Variants in IL18RAP observed in about 807,000 individuals in gnomAD.
IL18RAP encodes interleukin 18 receptor accessory protein.
IL18RAP carries 37 observed loss-of-function variants against 58.1 expected under a neutral mutation model. The ratio of observed to expected loss-of-function variants is 0.64; its 90% CI spans 0.49 to 0.84. The LOEUF (loss-of-function observed/expected upper bound fraction) is 0.84, where lower values mean the gene tolerates loss of function less well. Ranked by LOEUF, IL18RAP falls within the 40% of genes least tolerant of loss-of-function variation. The probability of loss-of-function intolerance (pLI) is 0.00; values close to 1 mark genes in which losing one functional copy is unlikely to be tolerated. For synonymous variants in IL18RAP, 268 were observed against 257.5 expected (o/e 1.04, Z -0.39); for missense variants, 667 against 704.8 (o/e 0.95, Z 0.61).
At chr2:102,435,870 A>G (rs1573282809) in intron 3 of IL18RAP, among the ~76,000 whole-genome samples, 1 of 137,438 alleles carries the variant, frequency 7.3e-6, no homozygotes, top group Non-Finnish European at 1.6e-5. Flanking sequence ...GCATGCCTCC[A>G]CTCTTTTGAA....
At chr2:102,437,092 C>A in intron 3 of IL18RAP, 120 bp from the exon 4 acceptor site, 1 of 838,524 alleles carries the variant, frequency 1.2e-6, no homozygotes, top group Non-Finnish European at 1.8e-6. Flanking sequence ...TTGTGAGATA[C>A]CCTTATCTCA....
At chr2:102,425,448 C>T (rs563943926) in intron 3 of IL18RAP, among the ~76,000 whole-genome samples, 43 of 152,082 alleles carry the variant, frequency 2.8e-4, no homozygotes, top group Non-Finnish European at 5.4e-4. Flanking sequence ...AATAAATATA[C>T]AGGGTGGACG....
chr2:102,443,528 G>A lies in IL18RAP; in HGVS notation c.920+205G>A, dbSNP rs537070700. ...CCTCAATTTGTAGGAACAGTTTGAC[G>A]TGGCTGCTCTCAAAGTCAAGCTATT... On this transcript the variant is annotated intron_variant, in intron 6 of 9. Transcript: ENST00000687160. Among the ~76,000 whole-genome samples, 17 of 152,300 alleles carry A rather than the reference G, an allele frequency of 1.1e-4. 1 individual carries two copies. The South Asian group carries it at 2.3e-3, about 20-fold the overall frequency.
chr2:102,431,031 T>G (rs1682313462), intron 3 of IL18RAP, among the ~76,000 whole-genome samples: 1 of 152,220 alleles, frequency 6.6e-6, no homozygotes, highest in Non-Finnish European at 1.5e-5. Flanking sequence ...ATTGAATTTT[T>G]TACTTTCATA....
chr2:102,435,900 T>C (rs924560911), intron 3 of IL18RAP, among the ~76,000 whole-genome samples: 12 of 151,806 alleles, frequency 7.9e-5, no homozygotes, highest in African/African-American at 2.4e-4. Context: ...ACATTATTCA[T>C]TCAGATTCAC....
rs761064959 is a variant in IL18RAP, at chr2:102,437,222, T to C, written c.590T>C (p.Leu197Pro). 1.2e-6 allele frequency: 2 copies of C among 1,609,458 alleles called. No homozygotes were observed. The highest frequency in any genetic ancestry group is 1.3e-5 in the African/African-American group (1 of 74,752). ...PAVTWYKNGK[L>P]LSVERSNRIV... Reference sequence around the variant, plus strand: ...TATCTTTTGGATTAGAATGGAAAACTCCTCTCTGTGGAAAGGAGCAACCGA... The same window carrying C: ...TATCTTTTGGATTAGAATGGAAAACCCCTCTCTGTGGAAAGGAGCAACCGA... The change falls in exon 4 of 10, where the codon CTC becomes CCC. Residue 197 changes from leucine (L) to proline (P), a missense_variant. By Grantham distance (98) the Leu-to-Pro change is moderately conservative. Transcript: ENST00000687160.
At chr2:102,447,028 C>G (rs1403186565) in intron 7 of IL18RAP, 42 bp from the exon 8 acceptor site, 1 of 1,601,466 alleles carries the variant, frequency 6.2e-7, no homozygotes, top group Admixed American at 1.7e-5. Context: ...TGGTCCAATC[C>G]CGCTGCCTCT....
At chr2:102,419,957 T>C (rs1681466927), upstream of IL18RAP, among the ~76,000 whole-genome samples, 1 of 152,246 alleles carries the variant, frequency 6.6e-6, no homozygotes, top group East Asian at 1.9e-4. Context: ...AAGCTTGCTT[T>C]GGCTTAAGTT....
Position 102,452,009 on chromosome 2 carries a change from A to C in IL18RAP, c.1628A>C (p.Lys543Thr). The C allele has an allele frequency of 6.2e-7, 1 of 1,614,158 alleles. No individual in the cohort carries two copies. Among genetic ancestry groups the C allele is most frequent in the South Asian group, 1.1e-5 (1 of 91,086 alleles). ...VLPTVTWRGL[K>T]SVPPNSRFWA... ...CCCACAGTTACTTGGAGAGGCTTAA[A>C]ATCAGTTCCTCCCAATTCTAGGTTC... Residue 543 changes from lysine to threonine, a missense_variant, in exon 10 of 10, where the codon AAA becomes ACA. Transcript: ENST00000687160.
chr2:102,423,067 T>C, upstream of IL18RAP: 2 of 593,434 alleles, frequency 3.4e-6, no homozygotes, highest in South Asian at 2.1e-5. Flanking sequence ...ACGTAAGTTA[T>C]AGGCAAGTGA....
intron 9 of IL18RAP, 94 bp downstream of exon 9, chr2:102,451,115 G>A (rs1683737970): frequency 6.0e-6 from 6 of 997,790 alleles, no homozygotes; most frequent in African/African-American, 3.3e-5. Flanking sequence ...TTGGAATATA[G>A]ATCTGGGAGA....
intron 3 of IL18RAP, chr2:102,432,173 G>A (rs1276937518): frequency 6.6e-6 from 1 of 152,150 alleles, no homozygotes. Context: ...AGTTCTCTAG[G>A]TGGGCTTGGC....
intron 4 of IL18RAP, 151 bp downstream of exon 4, chr2:102,437,513 G>GT: frequency 1.5e-6 from 1 of 676,820 alleles, no homozygotes; most frequent in Non-Finnish European, 2.2e-6. Context: ...AAACATCAAA[G>GT]TTGCCATCCC....
At chr2:102,430,574 G>A (rs1049523914) in intron 3 of IL18RAP, among the ~76,000 whole-genome samples, 1 of 152,126 alleles carries the variant, frequency 6.6e-6, no homozygotes, top group East Asian at 1.9e-4. Flanking sequence ...ATAAGCACAG[G>A]CTGTTGCCAT....
chr2:102,420,508 A>G (rs11465681), upstream of IL18RAP, among the ~76,000 whole-genome samples: 109 of 152,330 alleles, frequency 7.2e-4, no homozygotes, highest in African/African-American at 2.4e-3. Flanking sequence ...TGGGTGCATC[A>G]GTAGGCAGTA....
rs948870066 is a variant in IL18RAP, at chr2:102,447,699, C to A, written c.1210+492C>A. Among the ~76,000 whole-genome samples, 3 of 139,404 alleles carry A rather than the reference C, an allele frequency of 2.2e-5. No homozygotes were observed. The South Asian group carries it at 6.7e-4, about 31-fold the overall frequency. The allele number at this position is 139,404 out of a possible 152,430, so 91.5% of individuals were successfully genotyped here. On this transcript the variant is annotated intron_variant, in intron 8 of 9. Coordinates refer to ENST00000687160, the MANE Select transcript of IL18RAP (RefSeq NM_001393487.1). ...GTATTCTTAAGACACATTTAGTATTCATTCATTTATGTATGTATGTATGTA... is the reference window on the plus strand; with the variant it reads ...GTATTCTTAAGACACATTTAGTATTAATTCATTTATGTATGTATGTATGTA...
chr2:102,436,247 G>A (rs191331678), intron 3 of IL18RAP, among the ~76,000 whole-genome samples: 222 of 152,086 alleles, frequency 1.5e-3, no homozygotes, highest in Middle Eastern at 0.01. Flanking sequence ...CCACCATTAC[G>A]TTCTCATGCG....
chr2:102,443,001 C>T (rs1210306428), intron 5 of IL18RAP, among the ~76,000 whole-genome samples, 199 bp from the exon 6 acceptor site: 2 of 152,092 alleles, frequency 1.3e-5, no homozygotes, highest in African/African-American at 4.8e-5. Context: ...AGAAGGATTG[C>T]CCATTAGAAA....
intron 8 of IL18RAP, among the ~76,000 whole-genome samples, 162 bp downstream of exon 8, chr2:102,447,369 A>G (rs1683490876): frequency 6.6e-6 from 1 of 152,186 alleles, no homozygotes; most frequent in South Asian, 2.1e-4. Flanking sequence ...AGCATAAAGG[A>G]GGAGCTGAAG....
Sources: allele counts gnomAD v4.1 joint callset (sites outside exome capture counted in the v4.1 genomes callset), GRCh38; gene constraint gnomAD v4.1.1; transcripts MANE v1.5; gene names NCBI Gene and HGNC (gene_info 2026-07-23, HGNC 2026-07-21).